Variants in DLG2 observed in about 807,000 individuals in gnomAD.
DLG2 encodes discs large MAGUK scaffold protein 2.
A neutral mutation model predicts 132.5 loss-of-function variants in DLG2; 45 were observed. That is an observed-to-expected ratio of 0.34 (90% CI 0.27 to 0.44). The LOEUF (loss-of-function observed/expected upper bound fraction) is 0.44. Among genes scored for constraint, DLG2 ranks in the 20% least tolerant of loss-of-function variants. The probability of loss-of-function intolerance (pLI) is 1.00; values close to 1 mark genes in which losing one functional copy is unlikely to be tolerated. For missense variants in DLG2, 1,045 were observed against 1,196.9 expected (o/e 0.87, Z 1.87); for synonymous variants, 424 against 419.6 (o/e 1.01, Z -0.13).
chr11:84,084,068 T>C (rs939230901), intron 10 of DLG2, among the ~76,000 whole-genome samples: 1 of 152,082 alleles, frequency 6.6e-6, no homozygotes, highest in African/African-American at 2.4e-5. Context: ...AGTTCATACC[T>C]CTAAGGGTTG....
At chr11:83,481,342 A>T (rs978056856) in intron 22 of DLG2, among the ~76,000 whole-genome samples, 2 of 152,106 alleles carry the variant, frequency 1.3e-5, no homozygotes, top group Non-Finnish European at 2.9e-5. Flanking sequence ...TGATACACTC[A>T]TCAGTCTATG....
intron 7 of DLG2, among the ~76,000 whole-genome samples, chr11:84,324,192 G>C (rs2098419621): frequency 1.3e-5 from 2 of 151,940 alleles, no homozygotes; most frequent in Admixed American, 1.3e-4. Context: ...TATAGTTTTA[G>C]GTCTTATCTT....
chr11:84,024,780 G>C (rs972873891), intron 11 of DLG2, among the ~76,000 whole-genome samples: 1 of 151,422 alleles, frequency 6.6e-6, no homozygotes, highest in Non-Finnish European at 1.5e-5. Context: ...TGGTTAAAGA[G>C]TACAAAATCT....
At position 83,883,600 on chromosome 11, in the gene DLG2, T is replaced by C. The variant is rs1191789250; in HGVS notation, c.1497-9112A>G. ...TGAGAAATCTCAGCATTTTGCCCAG[T>C]GGACTGACTCAAATGGATTATGACT... On this transcript the variant is annotated intron_variant, in intron 15 of 27. Coordinates refer to ENST00000376104, the MANE Select transcript of DLG2 (RefSeq NM_001142699.3). Among the ~76,000 whole-genome samples, 7 of 152,234 alleles carry C rather than the reference T, an allele frequency of 4.6e-5. No homozygotes were observed. The East Asian group carries it at 1.2e-3, about 25-fold the overall frequency.
At chr11:84,443,042 G>C (rs1602207005) in intron 7 of DLG2, among the ~76,000 whole-genome samples, 1 of 152,150 alleles carries the variant, frequency 6.6e-6, no homozygotes, top group East Asian at 1.9e-4. Flanking sequence ...TTATAGATAA[G>C]TGTGAAAAAA....
intron 4 of DLG2, among the ~76,000 whole-genome samples, chr11:85,252,096 A>T (rs1399050708): frequency 6.6e-6 from 1 of 152,216 alleles, no homozygotes; most frequent in African/African-American, 2.4e-5. Context: ...AATGAATAAA[A>T]GGCATAAACT....
At chr11:83,712,995 T>TA (rs67244530) in intron 18 of DLG2, among the ~76,000 whole-genome samples, 29 of 151,306 alleles carry the variant, frequency 1.9e-4, no homozygotes, top group East Asian at 1.6e-3. Flanking sequence ...AGAAAGAAAA[T>TA]AAAAAAAAAT....
In DLG2 at chr11:84,604,769, T is replaced by C. The variant is rs562360111; in HGVS notation, c.358-70038A>G. Among the ~76,000 whole-genome samples the C allele has an allele frequency of 1.9e-3, 285 of 152,148 alleles. 4 individuals are homozygous for C. Among genetic ancestry groups the C allele is most frequent in the Non-Finnish European group, 3.3e-3 (226 of 67,888 alleles). ...TTCATCTTTGTCTTTGTAGTCATGATGGTTTACACTCAAAGCTGTAGCCAA... is the reference window on the plus strand; with the variant it reads ...TTCATCTTTGTCTTTGTAGTCATGACGGTTTACACTCAAAGCTGTAGCCAA... On this transcript the variant is annotated intron_variant, in intron 6 of 27. Coordinates refer to ENST00000376104, the MANE Select transcript of DLG2 (RefSeq NM_001142699.3).
chr11:83,789,408 T>C (rs1160262285), intron 17 of DLG2, among the ~76,000 whole-genome samples: 1 of 152,084 alleles, frequency 6.6e-6, no homozygotes, highest in East Asian at 1.9e-4. Flanking sequence ...TGAGGAGAAT[T>C]TGATAATTCA....
At chr11:85,029,331 C>T (rs945082069) in intron 6 of DLG2, among the ~76,000 whole-genome samples, 1 of 152,102 alleles carries the variant, frequency 6.6e-6, no homozygotes, top group Non-Finnish European at 1.5e-5. Context: ...TGAACCAGTG[C>T]CCATTCACTG....
At chr11:84,398,559 T>C (rs2154445472) in intron 7 of DLG2, among the ~76,000 whole-genome samples, 1 of 152,340 alleles carries the variant, frequency 6.6e-6, no homozygotes, top group East Asian at 1.9e-4. Flanking sequence ...TTGCAATAAA[T>C]GCATTTGCAA....
chr11:85,588,406 G>A (rs1052072385), intron 3 of DLG2, among the ~76,000 whole-genome samples: 1 of 151,896 alleles, frequency 6.6e-6, no homozygotes, highest in Non-Finnish European at 1.5e-5. Flanking sequence ...TTTGGATTAG[G>A]TTACTTCGAA....
At chr11:84,351,312 C>G (rs2098568199) in intron 7 of DLG2, among the ~76,000 whole-genome samples, 1 of 151,996 alleles carries the variant, frequency 6.6e-6, no homozygotes, top group African/African-American at 2.4e-5. Flanking sequence ...TGTTTTTCAG[C>G]CCAGGTCCTC....
At chr11:84,726,657 T>C (rs759741231) in intron 6 of DLG2, among the ~76,000 whole-genome samples, 3 of 152,136 alleles carry the variant, frequency 2.0e-5, no homozygotes, top group Admixed American at 6.6e-5. Flanking sequence ...TCAAACGGTA[T>C]TTCTGGTTCT....
At chr11:85,030,351 T>C (rs1160290368) in intron 6 of DLG2, among the ~76,000 whole-genome samples, 1 of 152,186 alleles carries the variant, frequency 6.6e-6, no homozygotes, top group Non-Finnish European at 1.5e-5. Flanking sequence ...ACTAATTTCT[T>C]AGAGTATTAC....
At chr11:84,207,371 G>T (rs1189754499) in intron 8 of DLG2, among the ~76,000 whole-genome samples, 2 of 151,956 alleles carry the variant, frequency 1.3e-5, no homozygotes, top group African/African-American at 4.8e-5. Context: ...CAGATAATTT[G>T]CACTACTTGA....
chr11:85,063,207 T>C (rs146696238), intron 6 of DLG2, among the ~76,000 whole-genome samples: 1 of 151,902 alleles, frequency 6.6e-6, no homozygotes, highest in Non-Finnish European at 1.5e-5. Context: ...ATTTCTTCAC[T>C]AGGGCAAACT....
At position 83,484,173 on chromosome 11, in the gene DLG2, T is replaced by C; in HGVS notation, c.2249A>G (p.Tyr750Cys). 1 of 1,613,478 alleles carries C rather than the reference T, an allele frequency of 6.2e-7. No homozygotes were observed. The highest frequency in any genetic ancestry group is 1.1e-5 in the South Asian group (1 of 91,068). The part of the protein sequence containing the change: ...SFIFSRKFPF[Y>C]KNKEQSEQET... ...CTGCTCACTCTGCTCCTTGTTCTTG[T>C]AGAATGGGAATTTTCGTGAAAAGAT... is the stretch of plus-strand genomic sequence containing the variant. Residue 750 changes from tyrosine to cysteine, a missense_variant, in exon 22 of 28, where the codon TAC becomes TGC. Coordinates refer to ENST00000376104, the MANE Select transcript of DLG2 (RefSeq NM_001142699.3).
At chr11:83,695,707 C>T (rs1231770098) in intron 18 of DLG2, among the ~76,000 whole-genome samples, 1 of 152,012 alleles carries the variant, frequency 6.6e-6, no homozygotes, top group Non-Finnish European at 1.5e-5. Context: ...CCACTGCACT[C>T]CAGCCTGGGT....
Sources: allele counts gnomAD v4.1 joint callset (sites outside exome capture counted in the v4.1 genomes callset), GRCh38; gene constraint gnomAD v4.1.1; transcripts MANE v1.5; gene names NCBI Gene and HGNC (gene_info 2026-07-23, HGNC 2026-07-21).